OR5AS1: variants seen among roughly 807,000 people sequenced by gnomAD.
The protein encoded by OR5AS1 is olfactory receptor family 5 subfamily AS member 1.
For missense variants in OR5AS1, 492 were observed against 378.2 expected (o/e 1.30, Z -2.50); for synonymous variants, 196 against 141.7 (o/e 1.38, Z -2.72).
intron 1 of OR5AS1, among the ~76,000 whole-genome samples, chr11:56,029,192 G>C (rs1853323097): frequency 6.6e-6 from 1 of 152,020 alleles, no homozygotes; most frequent in Non-Finnish European, 1.5e-5. Flanking sequence ...ATTTCCCTTA[G>C]TTACTCACTA....
rs557697551 is a variant in OR5AS1, at chr11:56,034,812, A to G, written c.*3419A>G. 6.6e-6 allele frequency: 1 copy of G among 152,238 alleles called. No homozygotes were observed. The highest frequency in any genetic ancestry group is 1.9e-4 in the East Asian group (1 of 5,180). 9.4% of individuals were successfully genotyped at this position (152,238 alleles called of 1,614,324 possible). On this transcript the variant is annotated 3_prime_UTR_variant, in exon 2 of 2. Coordinates refer to ENST00000641320, the MANE Select transcript of OR5AS1 (RefSeq NM_001001921.2). ...AGCAACCCCCAGACACATAATCATCAGATTCACCAAGGTGGAAATGAAGGA... is the reference window on the plus strand; with the variant it reads ...AGCAACCCCCAGACACATAATCATCGGATTCACCAAGGTGGAAATGAAGGA...
At position 56,030,637 on chromosome 11, in the gene OR5AS1, T is replaced by C. The variant is rs1853337462; in HGVS notation, c.219T>C (p.Cys73=). Residue 73 remains cysteine, a synonymous_variant, in exon 2 of 2, where the codon TGT becomes TGC. Coordinates refer to ENST00000641320, the MANE Select transcript of OR5AS1 (RefSeq NM_001001921.2). The part of the protein sequence containing the change: ...LSNLSFLDIS[C]STAITPKMLA... ...ACTTATCTTTCTTAGACATCAGCTG[T>C]TCTACAGCAATCACTCCTAAAATGC... 1 of 1,567,968 alleles carries C rather than the reference T, an allele frequency of 6.4e-7. No homozygotes were observed. Among genetic ancestry groups the C allele is most frequent in the East Asian group, 2.2e-5 (1 of 44,496 alleles).
In OR5AS1 at chr11:56,030,820, A is replaced by G. The variant is rs756412702; in HGVS notation, c.402A>G (p.Thr134=). ...AAICNPLLYT[T]LMSRRVCVCF... is the part of the protein sequence containing the mutation. ...TCTGCAACCCACTGCTCTATACTAC[A>G]CTGATGTCTAGGAGAGTCTGTGTCT... is the stretch of plus-strand genomic sequence containing the variant. The change falls in exon 2 of 2, where the codon ACA becomes ACG. Residue 134 remains threonine, a synonymous_variant. Coordinates refer to ENST00000641320, the MANE Select transcript of OR5AS1 (RefSeq NM_001001921.2). The G allele has an allele frequency of 1.9e-6, 3 of 1,613,942 alleles. No individual in the cohort carries two copies. The highest frequency in any genetic ancestry group is 1.7e-6 in the Non-Finnish European group (2 of 1,179,948).
Position 56,031,425 on chromosome 11 carries a change from T to C in OR5AS1, c.*32T>C, listed in dbSNP as rs775537624. The C allele has an allele frequency of 1.0e-5, 14 of 1,401,086 alleles. No individual in the cohort carries two copies. In the East Asian group the frequency reaches 1.1e-4, roughly 11 times the overall value. 86.8% of individuals were successfully genotyped at this position (1,401,086 alleles called of 1,614,324 possible). ...CTTCCAATCTCATAAACAGCAATTA[T>C]GCCATGAACATCTTATGTGTTAACT... On this transcript the variant is annotated 3_prime_UTR_variant, in exon 2 of 2. Coordinates refer to ENST00000641320, the MANE Select transcript of OR5AS1 (RefSeq NM_001001921.2).
chr11:56,028,875 A>T (rs1301458752), intron 1 of OR5AS1, among the ~76,000 whole-genome samples: 1 of 152,064 alleles, frequency 6.6e-6, no homozygotes, highest in Non-Finnish European at 1.5e-5. Flanking sequence ...GTTAGTGTGG[A>T]AATTTGCTAG....
chr11:56,036,714 C>T lies in OR5AS1; in HGVS notation c.*5321C>T, dbSNP rs908450981. 3 of 152,064 alleles carry T rather than the reference C, an allele frequency of 2.0e-5. No homozygotes were observed. Among genetic ancestry groups the T allele is most frequent in the African/African-American group, 7.3e-5 (3 of 41,352 alleles). 9.4% of individuals were successfully genotyped at this position (152,064 alleles called of 1,614,324 possible). A position where few individuals can be genotyped will look rare whatever the true frequency, so the allele number is the denominator to read the frequency against. On this transcript the variant is annotated 3_prime_UTR_variant, in exon 2 of 2. Transcript: ENST00000641320. ...ATACAAAGAGGAGCTGGTACTATTC[C>T]TTCTGAAACTATTCCAAGCAATAGA...
chr11:56,031,179 C>CGG lies in OR5AS1; in HGVS notation c.762_763insGG (p.Leu255GlyfsTer15). On this transcript the variant is annotated frameshift_variant, in exon 2 of 2. Transcript: ENST00000641320. LOFTEE classifies it low-confidence loss of function (END_TRUNC). ...ATAGCAGTCACCTTATTCTATGGAG[C>CGG]GCTCCTGTTTATGTACTTACAGCCC... 1.2e-6 allele frequency: 2 copies of CGG among 1,613,926 alleles called. No homozygotes were observed. Among genetic ancestry groups the CGG allele is most frequent in the Middle Eastern group, 1.7e-4 (1 of 6,060 alleles).
chr11:56,036,917 A>G lies in OR5AS1; in HGVS notation c.*5524A>G, dbSNP rs1272742375. 6.6e-6 allele frequency: 1 copy of G among 152,040 alleles called. No individual in the cohort carries two copies. Among genetic ancestry groups the G allele is most frequent in the African/African-American group, 2.4e-5 (1 of 41,366 alleles). The allele number at this position is 152,040 out of a possible 1,614,324, so 9.4% of individuals were successfully genotyped here. A position where few individuals can be genotyped will look rare whatever the true frequency, so the allele number is the denominator to read the frequency against. ...CAGCGGCACATCAAAAAGCTTATCCACCAATCAAATTGGCTTTATCCCTGG... is the reference window on the plus strand; with the variant it reads ...CAGCGGCACATCAAAAAGCTTATCCGCCAATCAAATTGGCTTTATCCCTGG... On this transcript the variant is annotated 3_prime_UTR_variant, in exon 2 of 2. Transcript: ENST00000641320.
At position 56,031,951 on chromosome 11, in the gene OR5AS1, G is replaced by A. The variant is rs1302585696; in HGVS notation, c.*558G>A. The stretch of plus-strand genomic sequence containing the variant: ...TAGATGGATAGATAGATGAATGACT[G>A]GGAAAATACAGCCTTATTTTATTTG... On this transcript the variant is annotated 3_prime_UTR_variant, in exon 2 of 2. Transcript: ENST00000641320. The A allele has an allele frequency of 6.6e-6, 1 of 152,226 alleles. No individual in the cohort carries two copies. The highest frequency in any genetic ancestry group is 1.5e-5 in the Non-Finnish European group (1 of 68,134). 9.4% of individuals were successfully genotyped at this position (152,226 alleles called of 1,614,324 possible). A position where few individuals can be genotyped will look rare whatever the true frequency, so the allele number is the denominator to read the frequency against.
chr11:56,027,932 T>A (rs1389562953), intron 1 of OR5AS1, among the ~76,000 whole-genome samples: 1 of 106,570 alleles, frequency 9.4e-6, no homozygotes, highest in East Asian at 2.3e-4. Context: ...GAAAAAAAAA[T>A]GTCACGCCCA....
chr11:56,030,035 G>C (rs1853331175), intron 1 of OR5AS1, among the ~76,000 whole-genome samples: 1 of 152,056 alleles, frequency 6.6e-6, no homozygotes, highest in African/African-American at 2.4e-5. Flanking sequence ...GTTGCAAAAA[G>C]AGAGCTTTGC....
In OR5AS1 at chr11:56,036,743, C is replaced by A. The variant is rs7946368; in HGVS notation, c.*5350C>A. The A allele has an allele frequency of 0.06, 9,171 of 151,978 alleles. 384 individuals are homozygous for A. The highest frequency in any genetic ancestry group is 0.084 in the Non-Finnish European group (5,732 of 67,992). The allele number at this position is 151,978 out of a possible 1,614,324, so 9.4% of individuals were successfully genotyped here. On this transcript the variant is annotated 3_prime_UTR_variant, in exon 2 of 2. Transcript: ENST00000641320. The stretch of plus-strand genomic sequence containing the variant: ...TGAAACTATTCCAAGCAATAGAAAA[C>A]GAGAGGCTCCTCCCTAACTCATTTT...
intron 1 of OR5AS1, among the ~76,000 whole-genome samples, chr11:56,028,947 A>G (rs1480939322): frequency 6.6e-6 from 1 of 152,110 alleles, no homozygotes; most frequent in African/African-American, 2.4e-5. Flanking sequence ...TATTATATAA[A>G]GCTTGCAAAT....
intron 1 of OR5AS1, among the ~76,000 whole-genome samples, chr11:56,028,878 T>C (rs1853320489): frequency 6.6e-6 from 1 of 152,016 alleles, no homozygotes; most frequent in Non-Finnish European, 1.5e-5. Context: ...AGTGTGGAAA[T>C]TTGCTAGGGT....
chr11:56,030,457 A>G lies in OR5AS1; in HGVS notation c.39A>G (p.Leu13=), dbSNP rs1189595098. Residue 13 remains leucine (L), a synonymous_variant, in exon 2 of 2, where the codon CTA becomes CTG. Transcript: ENST00000641320. ...ESNYTMPTEF[L]FVGFTDYLPL... Reference sequence around the variant, plus strand: ...ATTACACCATGCCAACTGAGTTCCTATTTGTTGGATTCACAGATTATCTAC... The same window carrying G: ...ATTACACCATGCCAACTGAGTTCCTGTTTGTTGGATTCACAGATTATCTAC... 3 of 1,494,672 alleles carry G rather than the reference A, an allele frequency of 2.0e-6. No individual in the cohort carries two copies. Among genetic ancestry groups the G allele is most frequent in the African/African-American group, 1.4e-5 (1 of 71,362 alleles). 92.6% of individuals were successfully genotyped at this position (1,494,672 alleles called of 1,614,324 possible). A position where few individuals can be genotyped will look rare whatever the true frequency, so the allele number is the denominator to read the frequency against.
intron 1 of OR5AS1, among the ~76,000 whole-genome samples, chr11:56,027,951 T>A (rs1313875860): frequency 6.6e-6 from 1 of 152,012 alleles, no homozygotes; most frequent in Admixed American, 6.6e-5. Flanking sequence ...CAATTCGTTG[T>A]GTACCTTATT....
chr11:56,036,313 A>C lies in OR5AS1; in HGVS notation c.*4920A>C, dbSNP rs1339423752. On this transcript the variant is annotated 3_prime_UTR_variant, in exon 2 of 2. Transcript: ENST00000641320. Reference sequence around the variant, plus strand: ...GAACTGAAGGAGATAGAGACATGAAAAACCCTTCAAAAAATCAATGAATCC... The same window carrying C: ...GAACTGAAGGAGATAGAGACATGAACAACCCTTCAAAAAATCAATGAATCC... 6.6e-6 allele frequency: 1 copy of C among 152,118 alleles called. No individual in the cohort carries two copies. The highest frequency in any genetic ancestry group is 1.5e-5 in the Non-Finnish European group (1 of 68,038). 9.4% of individuals were successfully genotyped at this position (152,118 alleles called of 1,614,324 possible).
chr11:56,030,314 T>C, intron 1 of OR5AS1, 77 bp from the exon 2 acceptor site: 2 of 592,370 alleles, frequency 3.4e-6, no homozygotes, highest in East Asian at 3.1e-5. Context: ...TTCTATTTGA[T>C]TCCTTAGAAG....
chr11:56,027,798 C>G (rs2134688032), intron 1 of OR5AS1, 86 bp downstream of exon 1: 1 of 137,656 alleles, frequency 7.3e-6, no homozygotes, highest in African/African-American at 2.7e-5. Context: ...TAAAATGTAT[C>G]TCTGCTATTT....
Sources: gnomAD v4.1 joint callset for allele counts (sites outside exome capture counted in the v4.1 genomes callset) on GRCh38, gnomAD v4.1.1 for gene constraint, MANE v1.5 for transcripts, NCBI Gene and HGNC (gene_info 2026-07-23, HGNC 2026-07-21) for gene names.